The following LZTS1 variants were observed in gnomAD, a reference collection of about 807,000 sequenced individuals.
LZTS1 encodes leucine zipper tumor suppressor 1, also known as leucine zipper putative tumor suppressor 1.
LZTS1 carries 31 observed loss-of-function variants against 45.8 expected under a neutral mutation model. The ratio of observed to expected loss-of-function variants is 0.68; its 90% CI spans 0.51 to 0.91. The LOEUF (loss-of-function observed/expected upper bound fraction) is 0.91, where lower values mean the gene tolerates loss of function less well. LZTS1 is among the 40% of genes least tolerant of loss of function. The probability of loss-of-function intolerance (pLI) is 0.00; values close to 1 mark genes in which losing one functional copy is unlikely to be tolerated. For missense variants in LZTS1, 821 were observed against 788.9 expected (o/e 1.04, Z -0.49); for synonymous variants, 359 against 357.3 (o/e 1.00, Z -0.05).
At chr8:20,256,244 C>A (rs1290071714) in intron 1 of LZTS1, among the ~76,000 whole-genome samples, 2 of 151,994 alleles carry the variant, frequency 1.3e-5, no homozygotes, top group Non-Finnish European at 2.9e-5. Context: ...GAACAATTAG[C>A]AAGGCTGGGA....
intron 1 of LZTS1, among the ~76,000 whole-genome samples, chr8:20,291,330 C>T (rs1274979972): frequency 6.6e-6 from 1 of 152,172 alleles, no homozygotes; most frequent in Admixed American, 6.5e-5. Flanking sequence ...CCCCTGGACA[C>T]CTGCCTCTAC....
rs542122367 is a variant in LZTS1 at position 20,288,095 on chromosome 8, G to A, written c.-135+15645C>T. ...CAGGTGCAATCCTGTCTCCTGCTCC[G>A]TCTCAGCCTCACAAGCTCCTTCTCC... On this transcript the variant is annotated intron_variant, in intron 1 of 3. Transcript: ENST00000381569. Among the ~76,000 whole-genome samples the A allele has an allele frequency of 6.6e-5, 10 of 152,054 alleles. No individual in the cohort carries two copies. The East Asian group carries it at 1.2e-3, about 18-fold the overall frequency.
At chr8:20,251,353 C>G (rs1799903824) in intron 3 of LZTS1, among the ~76,000 whole-genome samples, 1 of 151,684 alleles carries the variant, frequency 6.6e-6, no homozygotes, top group Non-Finnish European at 1.5e-5. Context: ...TTCTTGGTCC[C>G]AAGCACGCAT....
chr8:20,250,358 G>A lies in LZTS1; in HGVS notation c.1155C>T (p.Cys385=), dbSNP rs1419819962. The A allele has an allele frequency of 3.1e-6, 5 of 1,596,822 alleles. No homozygotes were observed. The highest frequency in any genetic ancestry group is 2.2e-5 in the East Asian group (1 of 44,576). The change falls in exon 4 of 4, where the codon TGC becomes TGT. Residue 385 remains cysteine, a synonymous_variant. Transcript: ENST00000381569. ...GGAGGGAGATCTCGCCTGACTTCTGGCACACCTGCCGAGGGTGGGGTGGAG... is the reference window on the plus strand; with the variant it reads ...GGAGGGAGATCTCGCCTGACTTCTGACACACCTGCCGAGGGTGGGGTGGAG... ...PALEETQWEV[C]QKSGEISLLK...
intron 3 of LZTS1, among the ~76,000 whole-genome samples, chr8:20,251,013 A>G (rs1799882163): frequency 1.3e-5 from 2 of 149,606 alleles, no homozygotes; most frequent in South Asian, 2.1e-4. Flanking sequence ...AGGTACTATT[A>G]GTAGTCCTCA....
chr8:20,279,702 A>G lies in LZTS1; in HGVS notation c.-135+24038T>C, dbSNP rs961982051. Among the ~76,000 whole-genome samples, 398 of 150,612 alleles carry G rather than the reference A, an allele frequency of 2.6e-3. 3 individuals carry two copies. The highest frequency in any genetic ancestry group is 9.2e-3 in the African/African-American group (377 of 41,130). On this transcript the variant is annotated intron_variant, in intron 1 of 3. Transcript: ENST00000381569. ...GTCTCAAAAAAAAAAAAAAAAAAAA[A>G]GAGGCTGAGCATGGTGATTTATGCC...
At chr8:20,267,253 T>A (rs1384593726) in intron 1 of LZTS1, among the ~76,000 whole-genome samples, 2 of 152,156 alleles carry the variant, frequency 1.3e-5, no homozygotes, top group Non-Finnish European at 2.9e-5. Context: ...TCCTCCTGCT[T>A]CTTTGTCCCC....
At position 20,249,975 on chromosome 8, in the gene LZTS1, TCCCGCAGCTCGG is replaced by T. The variant is rs1384682261; in HGVS notation, c.1526_1537del (p.Ala509_Arg512del). On this transcript the variant is annotated inframe_deletion, in exon 4 of 4. Transcript: ENST00000381569. ...CATCTGGTCATGGCCTTGCCGCTCC[TCCCGCAGCTCGG>T]CCCGCAGCCGCTCCAGCTCCCGCTG... is the stretch of plus-strand genomic sequence containing the variant. 1.9e-6 allele frequency: 3 copies of T among 1,613,762 alleles called. No individual in the cohort carries two copies. The highest frequency in any genetic ancestry group is 2.5e-6 in the Non-Finnish European group (3 of 1,179,846).
At chr8:20,288,375 C>G (rs1800834146) in intron 1 of LZTS1, among the ~76,000 whole-genome samples, 1 of 152,168 alleles carries the variant, frequency 6.6e-6, no homozygotes. Context: ...TCACCTCTGG[C>G]CAGAGGCGAT....
At chr8:20,263,440 T>C (rs1476888283) in intron 1 of LZTS1, among the ~76,000 whole-genome samples, 2 of 152,102 alleles carry the variant, frequency 1.3e-5, no homozygotes, top group African/African-American at 4.8e-5. Context: ...TTCTAAGGGT[T>C]TCCTGACCCC....
At chr8:20,261,154 T>C (rs1302867899) in intron 1 of LZTS1, among the ~76,000 whole-genome samples, 1 of 151,940 alleles carries the variant, frequency 6.6e-6, no homozygotes, top group African/African-American at 2.4e-5. Context: ...ATCACATAGA[T>C]GTTGGGGATT....
In LZTS1 at chr8:20,246,887, C is replaced by T. The variant is rs973436526; in HGVS notation, c.*2835G>A. 1 of 152,130 alleles carries T rather than the reference C, an allele frequency of 6.6e-6. No homozygotes were observed. The highest frequency in any genetic ancestry group is 2.1e-4 in the South Asian group (1 of 4,822). The allele number at this position is 152,130 out of a possible 1,614,324, so 9.4% of individuals were successfully genotyped here. On this transcript the variant is annotated 3_prime_UTR_variant, in exon 4 of 4. Transcript: ENST00000381569. ...TGCCCAGAGGGAAGGGCAGGAAGCC[C>T]ACCCTGTCTGGGGCCTGGGGCCAGG... is the stretch of plus-strand genomic sequence containing the variant.
chr8:20,269,501 T>C (rs1311137184), intron 1 of LZTS1, among the ~76,000 whole-genome samples: 1 of 152,168 alleles, frequency 6.6e-6, no homozygotes, highest in African/African-American at 2.4e-5. Context: ...AGATCCCAGG[T>C]CTGAGTCTGA....
At chr8:20,293,339 G>A (rs1800929349) in intron 1 of LZTS1, among the ~76,000 whole-genome samples, 1 of 152,146 alleles carries the variant, frequency 6.6e-6, no homozygotes, top group East Asian at 1.9e-4. Context: ...ACTCCAACGT[G>A]CCTTTCTAGA....
At chr8:20,255,379 C>G in intron 1 of LZTS1, 64 bp from the exon 2 acceptor site, 2 of 1,196,322 alleles carry the variant, frequency 1.7e-6, no homozygotes, top group Non-Finnish European at 2.3e-6. Context: ...GTGCTGATTC[C>G]GACTTCCAGA....
intron 1 of LZTS1, among the ~76,000 whole-genome samples, chr8:20,300,732 G>A (rs1801061268): frequency 2.0e-5 from 3 of 152,064 alleles, no homozygotes. Flanking sequence ...ATAATATACT[G>A]GTATGATGGT....
At chr8:20,296,510 G>A (rs1265857002) in intron 1 of LZTS1, among the ~76,000 whole-genome samples, 2 of 152,212 alleles carry the variant, frequency 1.3e-5, no homozygotes, top group Non-Finnish European at 2.9e-5. Context: ...GCTCACCTCA[G>A]ACCATGCCAC....
intron 3 of LZTS1, among the ~76,000 whole-genome samples, chr8:20,252,073 TGA>T (rs1799935877): frequency 6.6e-6 from 1 of 152,178 alleles, no homozygotes; most frequent in Non-Finnish European, 1.5e-5. Flanking sequence ...TTGAACTCCA[TGA>T]GTCATCCAGA....
rs892706462 is a variant in LZTS1 at position 20,249,034 on chromosome 8, G to C, written c.*688C>G. The C allele has an allele frequency of 6.5e-6, 1 of 153,182 alleles. No individual in the cohort carries two copies. The highest frequency in any genetic ancestry group is 1.5e-5 in the Non-Finnish European group (1 of 68,546). The allele number at this position is 153,182 out of a possible 1,614,324, so 9.5% of individuals were successfully genotyped here. ...CCCATTTGCAAGAACCAGTAAACAG[G>C]GGCTGGGCCCCAGGGGCTGGCCATC... On this transcript the variant is annotated 3_prime_UTR_variant, in exon 4 of 4. Coordinates refer to ENST00000381569, the MANE Select transcript of LZTS1 (RefSeq NM_021020.5).
Sources: allele counts gnomAD v4.1 joint callset (sites outside exome capture counted in the v4.1 genomes callset), GRCh38; gene constraint gnomAD v4.1.1; transcripts MANE v1.5; gene names NCBI Gene and HGNC (gene_info 2026-07-23, HGNC 2026-07-21).